NID1: variants seen among roughly 807,000 people sequenced by gnomAD.
The protein encoded by NID1 is nidogen-1.
In NID1, 76 loss-of-function variants were observed where a neutral mutation model predicts 130.6. That is an observed-to-expected ratio of 0.58 (90% CI 0.48 to 0.70). NID1 has a LOEUF of 0.70. NID1 is among the 30% of genes least tolerant of loss of function. NID1 has a pLI of 0.00. For missense variants in NID1, 1,517 were observed against 1,664.8 expected, an observed-to-expected ratio of 0.91 and a Z score of 1.54; for synonymous variants, 665 against 675.1, an observed-to-expected ratio of 0.98 and a Z score of 0.23.
At chr1:236,033,398 T>G (rs887650851) in intron 5 of NID1, among the ~76,000 whole-genome samples, 59 of 152,158 alleles carry the variant, frequency 3.9e-4, no homozygotes, top group African/African-American at 1.4e-3. Flanking sequence ...AGTATAGACA[T>G]TTGCCTGCCT....
chr1:236,023,298 A>T (rs1658818297), intron 9 of NID1, among the ~76,000 whole-genome samples: 1 of 151,358 alleles, frequency 6.6e-6, no homozygotes, highest in South Asian at 2.1e-4. Context: ...AGGAAAAAAA[A>T]TTCTGACACA....
At position 236,029,806 on chromosome 1, in the gene NID1, C is replaced by T. The variant is rs556602706; in HGVS notation, c.1538-56G>A. On this transcript the variant is annotated intron_variant, in intron 6 of 19. Coordinates refer to ENST00000264187, the MANE Select transcript of NID1 (RefSeq NM_002508.3). ...TGACTGGGGAGCGCGCCCTTCTGCCCGCCCCAGGCTCACAGTGTGGAGTGG... is the reference window on the plus strand; with the variant it reads ...TGACTGGGGAGCGCGCCCTTCTGCCTGCCCCAGGCTCACAGTGTGGAGTGG... 1.5e-3 allele frequency: 2,405 copies of T among 1,564,228 alleles called. 1 individual carries two copies. Among genetic ancestry groups the T allele is most frequent in the Middle Eastern group, 2.1e-3 (12 of 5,764 alleles).
chr1:236,003,550 A>G (rs1658150829), intron 12 of NID1, among the ~76,000 whole-genome samples: 1 of 152,296 alleles, frequency 6.6e-6, no homozygotes, highest in East Asian at 1.9e-4. Flanking sequence ...GGAGGGCGAG[A>G]CCAATTGTGC....
chr1:236,001,437 T>C (rs1658074796), intron 12 of NID1, among the ~76,000 whole-genome samples: 1 of 152,072 alleles, frequency 6.6e-6, no homozygotes, highest in Non-Finnish European at 1.5e-5. Flanking sequence ...TATAGCCCCA[T>C]CTCATTCACT....
In NID1 at chr1:235,977,718, C is replaced by G. The variant is rs1307745525; in HGVS notation, c.*149G>C. 2.5e-6 allele frequency: 2 copies of G among 807,160 alleles called. No homozygotes were observed. Among genetic ancestry groups the G allele is most frequent in the East Asian group, 5.1e-5 (2 of 39,522 alleles). The allele number at this position is 807,160 out of a possible 1,614,324, so 50.0% of individuals were successfully genotyped here. The stretch of plus-strand genomic sequence containing the variant: ...AGTCCAGGGTGCATGTTTTGGGGAA[C>G]AGTGAGGGAAAAGTTGTTGGGGCTC... On this transcript the variant is annotated 3_prime_UTR_variant, in exon 20 of 20. Transcript: ENST00000264187.
At chr1:236,008,282 C>T (rs1292305348) in intron 12 of NID1, among the ~76,000 whole-genome samples, 3 of 152,190 alleles carry the variant, frequency 2.0e-5, no homozygotes, top group Admixed American at 6.5e-5. Context: ...CGCAATTTCT[C>T]GTAGTTTGTC....
chr1:236,049,240 T>C (rs1659696889), intron 1 of NID1, among the ~76,000 whole-genome samples: 1 of 152,168 alleles, frequency 6.6e-6, no homozygotes, highest in African/African-American at 2.4e-5. Context: ...AATCACTCCC[T>C]ACCAGGACTG....
rs540879203 is a variant in NID1, at chr1:235,977,938, C to T, written c.3673G>A (p.Ala1225Thr). 87 of 1,614,076 alleles carry T rather than the reference C, an allele frequency of 5.4e-5. 1 individual carries two copies. The South Asian group carries it at 8.7e-4, about 16-fold the overall frequency. The part of the protein sequence containing the change: ...NNGGCTHLCL[A>T]TPGSRTCRCP... ...CGGCAGGTCCTGCTCCCTGGGGTGG[C>T]CAAGCATAGGTGGGTGCAGCCGCCA... Residue 1225 changes from alanine to threonine, a missense_variant, in exon 20 of 20, where the codon GCC becomes ACC. Coordinates refer to ENST00000264187, the MANE Select transcript of NID1 (RefSeq NM_002508.3).
Position 235,993,647 on chromosome 1 carries a change from G to A in NID1, c.2753C>T (p.Pro918Leu), listed in dbSNP as rs774602095. ...GTRTRPGMTP[P>L]CLSTVAPPIH... ...AAGCACGGCCTGCACCCACTTACAC[G>A]GGGGCGTCATCCCGGGCCTGGTCCT... The change falls in exon 13 of 20, where the codon CCG becomes CTG. Residue 918 changes from proline (P) to leucine (L), a missense_variant and splice_region_variant. Physicochemically the swap from Pro to Leu is moderately conservative, Grantham distance 98. Around this residue, in one of 3 missense-constraint regions of NID1, gnomAD observed 1,329 missense variants for 1,429.2 expected, o/e 0.93. Coordinates refer to ENST00000264187, the MANE Select transcript of NID1 (RefSeq NM_002508.3). The A allele has an allele frequency of 1.3e-6, 2 of 1,543,774 alleles. No homozygotes were observed. The highest frequency in any genetic ancestry group is 1.8e-6 in the Non-Finnish European group (2 of 1,137,640).
At chr1:236,031,313 T>C (rs1384766899) in intron 6 of NID1, among the ~76,000 whole-genome samples, 1 of 152,130 alleles carries the variant, frequency 6.6e-6, no homozygotes, top group Non-Finnish European at 1.5e-5. Context: ...AGAGACAGGG[T>C]TTCACTGTGT....
At chr1:236,030,646 C>A (rs1394222250) in intron 6 of NID1, among the ~76,000 whole-genome samples, 1 of 152,162 alleles carries the variant, frequency 6.6e-6, no homozygotes, top group Non-Finnish European at 1.5e-5. Context: ...GACCATATGG[C>A]CTAAAATAAT....
Position 236,038,171 on chromosome 1 carries a change from G to A in NID1, c.1218C>T (p.Tyr406=), listed in dbSNP as rs149068803. 560 of 1,611,858 alleles carry A rather than the reference G, an allele frequency of 3.5e-4. 3 individuals carry two copies. In the African/African-American group the frequency reaches 5.9e-3, roughly 17 times the overall value. ...QCSVHAECRD[Y]ATGFCCSCVA... ...CACAGCTGCAGCAGAAGCCCGTGGC[G>A]TAGTCCCTGCACTCTGCGTGCACCG... Residue 406 remains tyrosine, a synonymous_variant, in exon 5 of 20, where the codon TAC becomes TAT. Transcript: ENST00000264187.
At chr1:236,055,579 C>T (rs990018535) in intron 1 of NID1, among the ~76,000 whole-genome samples, 3 of 151,458 alleles carry the variant, frequency 2.0e-5, no homozygotes, top group Non-Finnish European at 2.9e-5. Context: ...CACTTGAATC[C>T]GGGGGGTGGA....
At chr1:236,017,354 C>G in intron 9 of NID1, 81 bp from the exon 10 acceptor site, 1 of 1,469,826 alleles carries the variant, frequency 6.8e-7, no homozygotes, top group Non-Finnish European at 9.4e-7. Flanking sequence ...ATAGCATTGT[C>G]ACCTAAGAAT....
At chr1:236,035,123 C>T (rs530770461) in intron 5 of NID1, among the ~76,000 whole-genome samples, 112 of 133,512 alleles carry the variant, frequency 8.4e-4, no homozygotes, top group African/African-American at 3.2e-3. Context: ...AGGTATATCT[C>T]CCAGTGCTAT....
Position 235,993,771 on chromosome 1 carries a change from C to T in NID1, c.2629G>A (p.Glu877Lys). 1 of 1,614,126 alleles carries T rather than the reference C, an allele frequency of 6.2e-7. No individual in the cohort carries two copies. ...RPIPPGLFVP[E>K]CDAHGHYAPT... ...GCGTAGTGCCCGTGCGCATCGCACT[C>T]AGGAACGAACAGCCCCGGAGGAATG... The change falls in exon 13 of 20, where the codon GAG becomes AAG. Residue 877 changes from glutamate to lysine, a missense_variant. Glu to Lys is a moderately conservative substitution (Grantham distance 56, BLOSUM62 1). This residue lies in a region of NID1 where 1,329 missense variants were observed against 1,429.2 expected (regional missense o/e 0.93). Transcript: ENST00000264187.
intron 4 of NID1, among the ~76,000 whole-genome samples, chr1:236,041,693 CATG>C (rs899155637): frequency 6.6e-6 from 1 of 152,160 alleles, no homozygotes; most frequent in Non-Finnish European, 1.5e-5. Context: ...TCTCCAAAAC[CATG>C]GTCCTAATCC....
Position 235,979,265 on chromosome 1 carries a change from T to C in NID1, c.3510-158A>G, listed in dbSNP as rs1536132. Among the ~76,000 whole-genome samples the C allele has an allele frequency of 0.81, 123,550 of 151,942 alleles. 50,517 individuals carry two copies. Among genetic ancestry groups the C allele is most frequent in the African/African-American group, 0.89 (36,803 of 41,440 alleles). On this transcript the variant is annotated intron_variant, in intron 18 of 19. Coordinates refer to ENST00000264187, the MANE Select transcript of NID1 (RefSeq NM_002508.3). The surrounding 1 kb of genome is among the most constrained non-coding windows in gnomAD (Gnocchi z 4.6). ...CATCCCTTCCTTCCCCTGGGGTGGG[T>C]CAAGCCTGCATTTCTCTGGCTTTTT... is the stretch of plus-strand genomic sequence containing the variant.
chr1:236,027,830 A>AAAC (rs34729429), intron 7 of NID1, among the ~76,000 whole-genome samples: 70,778 of 150,548 alleles, frequency 0.47, 18,502 homozygotes, highest in African/African-American at 0.71. Context: ...CCCTGTCTCA[A>AAAC]AACAACAACC....
Sources: allele counts gnomAD v4.1 joint callset (sites outside exome capture counted in the v4.1 genomes callset), GRCh38; gene constraint gnomAD v4.1.1; regional missense constraint gnomAD v4.1.1; non-coding constraint Gnocchi (gnomAD v3.1); transcripts MANE v1.5; gene names NCBI Gene and HGNC (gene_info 2026-07-23, HGNC 2026-07-21).